The following SERINC2 variants were observed in gnomAD, a reference collection of about 807,000 sequenced individuals.
The protein encoded by SERINC2 is tumor differentially expressed protein 2.
SERINC2 carries 56 observed loss-of-function variants against 54.2 expected under a neutral mutation model. That is an observed-to-expected ratio of 1.03 (90% confidence interval 0.83 to 1.29). The LOEUF is 1.29. SERINC2 is among the 50% of genes most tolerant of loss of function. SERINC2 has a pLI of 0.00. For missense variants in SERINC2, 614 were observed against 607.4 expected (o/e 1.01, Z -0.12); for synonymous variants, 272 against 253.1 (o/e 1.07, Z -0.71).
chr1:31,432,037 GAC>G (rs1641266171), intron 8 of SERINC2, among the ~76,000 whole-genome samples: 4 of 131,438 alleles, frequency 3.0e-5, no homozygotes, highest in Non-Finnish European at 3.2e-5. Context: ...GGACAGGGTG[GAC>G]AGGGTGGACA....
intron 8 of SERINC2, among the ~76,000 whole-genome samples, chr1:31,431,953 G>A (rs201128253): frequency 1.0e-4 from 13 of 124,260 alleles, no homozygotes; most frequent in Non-Finnish European, 1.3e-4. Context: ...GGTGGTTAGG[G>A]TGGTTAGGGT....
rs1245498006 is a variant in SERINC2, at chr1:31,431,767, GAGAGGGTGA to G, written c.1014-1198_1014-1190del. 5.3e-4 allele frequency among the ~76,000 whole-genome samples: 80 copies of G among 150,384 alleles called. 1 individual carries two copies. Among genetic ancestry groups the G allele is most frequent in the Middle Eastern group, 3.5e-3 (1 of 288 alleles). ...TTTGGTAGATAGGGTGGAGAGGGTGGAGAGGGTGAATAGGGTGGATAGGGTGGATAGGGT... is the reference window on the plus strand; with the variant it reads ...TTTGGTAGATAGGGTGGAGAGGGTGGATAGGGTGGATAGGGTGGATAGGGT... On this transcript the variant is annotated intron_variant, in intron 8 of 9. Transcript: ENST00000373709.
intron 1 of SERINC2, chr1:31,414,179 C>T (rs982517877): frequency 7.4e-5 from 103 of 1,399,160 alleles, no homozygotes; most frequent in Non-Finnish European, 9.4e-5. Context: ...TGTGGGGAGG[C>T]CAACCTCTGT....
upstream of SERINC2, among the ~76,000 whole-genome samples, chr1:31,412,738 C>T (rs1218890650): frequency 6.6e-6 from 1 of 152,208 alleles, no homozygotes; most frequent in East Asian, 1.9e-4. Context: ...GTGTTGTAAC[C>T]ACCCTGTGAG....
chr1:31,434,057 G>A lies in SERINC2; in HGVS notation c.1233-7G>A. ...ACCAGGCTCATGGGGAAGATGGTGTGTTCCAGGCCCGGTGAGACCCGGAAG... is the reference window on the plus strand; with the variant it reads ...ACCAGGCTCATGGGGAAGATGGTGTATTCCAGGCCCGGTGAGACCCGGAAG... On this transcript the variant is annotated splice_polypyrimidine_tract_variant and splice_region_variant and intron_variant, in intron 9 of 9. Coordinates refer to ENST00000373709, the MANE Select transcript of SERINC2 (RefSeq NM_178865.5). 2.5e-6 allele frequency: 4 copies of A among 1,613,362 alleles called. No homozygotes were observed. The highest frequency in any genetic ancestry group is 1.3e-5 in the African/African-American group (1 of 75,032).
rs1310758723 is a variant in SERINC2 at position 31,422,036 on chromosome 1, C to T, written c.40-1657C>T. Among the ~76,000 whole-genome samples, 6 of 152,134 alleles carry T rather than the reference C, an allele frequency of 3.9e-5. No homozygotes were observed. The South Asian group carries it at 6.2e-4, about 16-fold the overall frequency. Reference sequence around the variant, plus strand: ...TTAAAAGGCCAGGTGCAGTGGCTCACGCCTGTAATCCCAGCACTTTGGGAG... The same window carrying T: ...TTAAAAGGCCAGGTGCAGTGGCTCATGCCTGTAATCCCAGCACTTTGGGAG... On this transcript the variant is annotated intron_variant, in intron 1 of 9. Transcript: ENST00000373709.
chr1:31,431,187 C>G (rs1163899919), intron 8 of SERINC2, among the ~76,000 whole-genome samples: 6 of 150,626 alleles, frequency 4.0e-5, no homozygotes, highest in Non-Finnish European at 5.9e-5. Context: ...TGCAATGACA[C>G]AATCACAGCT....
rs1640959052 is a variant in SERINC2, at chr1:31,423,779, C to T, written c.126C>T (p.Phe42=). The change falls in exon 2 of 10, where the codon TTC becomes TTT. Residue 42 remains phenylalanine (F), a synonymous_variant. Coordinates refer to ENST00000373709, the MANE Select transcript of SERINC2 (RefSeq NM_178865.5). ...SRNSTVSRLI[F]TFFLFLGVLV... is the part of the protein sequence containing the mutation. ...ACTCCACCGTGAGCCGCCTCATCTT[C>T]ACGTTCTTCCTCTTCCTGGGGGTGC... 6.2e-7 allele frequency: 1 copy of T among 1,614,024 alleles called. No individual in the cohort carries two copies. The highest frequency in any genetic ancestry group is 8.5e-7 in the Non-Finnish European group (1 of 1,180,008).
rs1557501056 is a variant in SERINC2 at position 31,432,083 on chromosome 1, T to TGGA, written c.1014-884_1014-883insGGA. 3.4e-3 allele frequency among the ~76,000 whole-genome samples: 65 copies of TGGA among 19,386 alleles called. 4 individuals are homozygous for TGGA. Among genetic ancestry groups the TGGA allele is most frequent in the Middle Eastern group, 0.042 (1 of 24 alleles). 12.7% of individuals were successfully genotyped at this position (19,386 alleles called of 152,430 possible). A position where few individuals can be genotyped will look rare whatever the true frequency, so the allele number is the denominator to read the frequency against. On this transcript the variant is annotated intron_variant, in intron 8 of 9. Transcript: ENST00000373709. ...AGGGTGGACAGGGTGGACAGGGTGG[T>TGGA]TAGGGTGGACAGGGTGGACAGGGTG... is the stretch of plus-strand genomic sequence containing the variant.
chr1:31,409,823 C>T (rs1553131242), upstream of SERINC2: 3 of 1,555,402 alleles, frequency 1.9e-6, no homozygotes, highest in South Asian at 3.6e-5. Flanking sequence ...AAAGCCGGCA[C>T]ACATCTGAGT....
At position 31,423,855 on chromosome 1, in the gene SERINC2, G is replaced by T. The variant is rs782610191; in HGVS notation, c.201+1G>T. 1 of 1,613,672 alleles carries T rather than the reference G, an allele frequency of 6.2e-7. No homozygotes were observed. On this transcript the variant is annotated splice_donor_variant, in intron 2 of 9. Transcript: ENST00000373709. LOFTEE classifies it high-confidence loss of function. ...GGGCGTGGAGAGTCAGCTCTACAAG[G>T]TGAGTGCCCCAGGGGAGGCAGGGCG...
chr1:31,416,154 G>A (rs546458778), intron 1 of SERINC2, among the ~76,000 whole-genome samples: 34 of 152,282 alleles, frequency 2.2e-4, no homozygotes, highest in South Asian at 8.3e-4. Flanking sequence ...GAAAACAATG[G>A]TGTCTGCCCC....
chr1:31,434,610 A>C lies in SERINC2; in HGVS notation c.*411A>C, dbSNP rs4233. ...TCACGTCCCCCAGGGGACCCTGCCC[A>C]CTTCCTGGACTTCGTGCCTTACTGA... On this transcript the variant is annotated 3_prime_UTR_variant, in exon 10 of 10. Coordinates refer to ENST00000373709, the MANE Select transcript of SERINC2 (RefSeq NM_178865.5). 0.56 allele frequency: 115,500 copies of C among 207,212 alleles called. 36,943 individuals are homozygous for C. Among genetic ancestry groups the C allele is most frequent in the Non-Finnish European group, 0.71 (72,496 of 101,912 alleles). The allele number at this position is 207,212 out of a possible 1,614,324, so 12.8% of individuals were successfully genotyped here.
At chr1:31,428,031 A>AT (rs1455405136) in intron 6 of SERINC2, among the ~76,000 whole-genome samples, 1 of 141,058 alleles carries the variant, frequency 7.1e-6, no homozygotes, top group Non-Finnish European at 1.5e-5. Flanking sequence ...CCAGCCTAAA[A>AT]TTTTTTTTGT....
chr1:31,426,898 C>A, intron 6 of SERINC2, 75 bp downstream of exon 6: 1 of 1,403,926 alleles, frequency 7.1e-7, no homozygotes, highest in Non-Finnish European at 9.9e-7. Flanking sequence ...AACCTGGGTC[C>A]TGGGGCTAGG....
In SERINC2 at chr1:31,431,814, C is replaced by CGGTT. The variant is rs1281812767; in HGVS notation, c.1014-1153_1014-1152insGGTT. Among the ~76,000 whole-genome samples the CGGTT allele has an allele frequency of 7.0e-3, 239 of 34,034 alleles. 2 individuals are homozygous for CGGTT. Among genetic ancestry groups the CGGTT allele is most frequent in the South Asian group, 0.022 (29 of 1,328 alleles). 22.3% of individuals were successfully genotyped at this position (34,034 alleles called of 152,430 possible). A position where few individuals can be genotyped will look rare whatever the true frequency, so the allele number is the denominator to read the frequency against. ...GGGTGGATAGGGTGGACAGGGTGGA[C>CGGTT]AGGGTGGATAGGGTGGATAGGGTGG... On this transcript the variant is annotated intron_variant, in intron 8 of 9. Coordinates refer to ENST00000373709, the MANE Select transcript of SERINC2 (RefSeq NM_178865.5).
rs1348273585 is a variant in SERINC2, at chr1:31,413,231, C to T, written c.-35C>T. On this transcript the variant is annotated 5_prime_UTR_variant, in exon 1 of 10. Transcript: ENST00000373709. The surrounding 1 kb of genome is among the most constrained non-coding windows in gnomAD (Gnocchi z 5.0). ...GGATCCCGAGGTCCGCGCCCCGCGC[C>T]CGGCGCCGGGCGCCCGAAGCCGGGA... 1 of 1,137,222 alleles carries T rather than the reference C, an allele frequency of 8.8e-7. No homozygotes were observed. The highest frequency in any genetic ancestry group is 1.1e-6 in the Non-Finnish European group (1 of 930,246). 70.4% of individuals were successfully genotyped at this position (1,137,222 alleles called of 1,614,324 possible). A position where few individuals can be genotyped will look rare whatever the true frequency, so the allele number is the denominator to read the frequency against.
Position 31,433,197 on chromosome 1 carries a change from G to C in SERINC2, c.1232+12G>C. On this transcript the variant is annotated intron_variant, in intron 9 of 9. Transcript: ENST00000373709. ...ACCAACTGGTACAAGTGCGTAGCTG[G>C]TGGGGCATGGACAGAGCCCGGAGGT... is the stretch of plus-strand genomic sequence containing the variant. 1 of 1,610,932 alleles carries C rather than the reference G, an allele frequency of 6.2e-7. No individual in the cohort carries two copies. The highest frequency in any genetic ancestry group is 8.5e-7 in the Non-Finnish European group (1 of 1,177,840).
upstream of SERINC2, among the ~76,000 whole-genome samples, chr1:31,412,120 C>T (rs963402340): frequency 5.3e-5 from 8 of 151,850 alleles, no homozygotes; most frequent in South Asian, 4.1e-4. Context: ...CTAAGCCTGG[C>T]GCCCAGTGAA....
Sources: allele counts gnomAD v4.1 joint callset (sites outside exome capture counted in the v4.1 genomes callset), GRCh38; gene constraint gnomAD v4.1.1; non-coding constraint Gnocchi (gnomAD v3.1); transcripts MANE v1.5; gene names NCBI Gene and HGNC (gene_info 2026-07-23, HGNC 2026-07-21).